ZC3H18: variants seen among roughly 807,000 people sequenced by gnomAD.
The protein encoded by ZC3H18 is zinc finger CCCH-type containing 18.
In ZC3H18, 8 loss-of-function variants were observed where a neutral mutation model predicts 106.1. The ratio of observed to expected loss-of-function variants is 0.08; its 90% CI spans 0.04 to 0.14. The LOEUF is 0.14. ZC3H18 is among the 10% of genes least tolerant of loss of function. ZC3H18 has a pLI of 1.00. For synonymous variants in ZC3H18, 635 were observed against 522.1 expected (o/e 1.22, Z -2.95); for missense variants, 1,318 against 1,278.4 (o/e 1.03, Z -0.47).
chr16:88,578,732 C>T (rs1320020056), intron 2 of ZC3H18, among the ~76,000 whole-genome samples: 3 of 152,100 alleles, frequency 2.0e-5, no homozygotes, highest in Admixed American at 6.6e-5. Context: ...TACCCTGTAA[C>T]CCAGGCTGGA....
intron 3 of ZC3H18, among the ~76,000 whole-genome samples, chr16:88,590,564 C>CTTTT (rs57632461): frequency 4.0e-5 from 4 of 100,672 alleles, no homozygotes; most frequent in South Asian, 3.1e-4. Context: ...TTCTTTATTT[C>CTTTT]TTTTTTTTTT....
intron 3 of ZC3H18, among the ~76,000 whole-genome samples, chr16:88,593,340 G>T (rs1224603327): frequency 6.6e-6 from 1 of 152,250 alleles, no homozygotes; most frequent in African/African-American, 2.4e-5. Context: ...TGACTAGTGG[G>T]CAGTTAGCGT....
At position 88,619,173 on chromosome 16, in the gene ZC3H18, A is replaced by G. The variant is rs1481658182; in HGVS notation, c.1476-3024A>G. Among the ~76,000 whole-genome samples, 4 of 152,054 alleles carry G rather than the reference A, an allele frequency of 2.6e-5. 1 individual carries two copies. The highest frequency in any genetic ancestry group is 1.3e-4 in the Admixed American group (2 of 15,256). On this transcript the variant is annotated intron_variant, in intron 8 of 17. Transcript: ENST00000301011. The stretch of plus-strand genomic sequence containing the variant: ...CAAAGTGCAGTGGAGATAATGTCCA[A>G]TGGGAGGCTGAGGCAGGAGAATGGC...
At chr16:88,623,444 T>C (rs2277904) in intron 10 of ZC3H18, 100 bp downstream of exon 10, 87,626 of 1,486,420 alleles carry the variant, frequency 0.059, 2,949 homozygotes, top group East Asian at 0.081. Context: ...CCTTGGGGTA[T>C]TGAAGGTCCC....
intron 6 of ZC3H18, among the ~76,000 whole-genome samples, chr16:88,608,111 T>A (rs1204597044): frequency 6.6e-6 from 1 of 152,120 alleles, no homozygotes; most frequent in African/African-American, 2.4e-5. Flanking sequence ...GTCTCTGGGT[T>A]TTTCATGTAT....
chr16:88,628,433 C>A (rs189163668), intron 15 of ZC3H18, among the ~76,000 whole-genome samples: 254 of 152,300 alleles, frequency 1.7e-3, no homozygotes, highest in Middle Eastern at 6.8e-3. Flanking sequence ...GTCCTCTGTC[C>A]TCAGCAGGAC....
chr16:88,588,396 C>A (rs1915559037), intron 3 of ZC3H18, among the ~76,000 whole-genome samples: 1 of 152,212 alleles, frequency 6.6e-6, no homozygotes, highest in Admixed American at 6.5e-5. Flanking sequence ...CAGCATCCAC[C>A]AGGGCAGGGA....
At chr16:88,630,756 A>ACCCCCC (rs1281479340) in intron 17 of ZC3H18, among the ~76,000 whole-genome samples, 175 bp downstream of exon 17, 1 of 50,196 alleles carries the variant, frequency 2.0e-5, no homozygotes, top group African/African-American at 6.6e-5. Flanking sequence ...CCCACCCCCC[A>ACCCCCC]CCCCCCCCCA....
At chr16:88,570,873 C>T (rs906248589) in intron 1 of ZC3H18, among the ~76,000 whole-genome samples, 1 of 152,252 alleles carries the variant, frequency 6.6e-6, no homozygotes, top group African/African-American at 2.4e-5. Context: ...ATTTCTCTTC[C>T]GGGCCACTCG....
intron 6 of ZC3H18, among the ~76,000 whole-genome samples, chr16:88,607,773 C>T (rs2017406086): frequency 6.6e-6 from 1 of 150,498 alleles, no homozygotes; most frequent in South Asian, 2.1e-4. Flanking sequence ...CACTTCATGT[C>T]TCTCAGGCAT....
In ZC3H18 at chr16:88,619,555, GTA is replaced by G. The variant is rs1361278417; in HGVS notation, c.1476-2640_1476-2639del. On this transcript the variant is annotated intron_variant, in intron 8 of 17. Transcript: ENST00000301011. The stretch of plus-strand genomic sequence containing the variant: ...CTGGCCATCTTCATTTTGAAATTCG[GTA>G]TCATTGTCTCCAGAGGGAATGAGCA... Among the ~76,000 whole-genome samples the G allele has an allele frequency of 2.6e-5, 4 of 152,198 alleles. No individual in the cohort carries two copies. The East Asian group carries it at 5.8e-4, about 22-fold the overall frequency.
At chr16:88,631,032 G>A (rs1342643434) in intron 17 of ZC3H18, 69 bp from the exon 18 acceptor site, 5 of 1,592,716 alleles carry the variant, frequency 3.1e-6, no homozygotes, top group East Asian at 4.5e-5. Context: ...GCGCCCCTAC[G>A]GGGAGGTCAC....
chr16:88,607,259 T>A (rs939422959), intron 6 of ZC3H18, among the ~76,000 whole-genome samples: 1 of 152,226 alleles, frequency 6.6e-6, no homozygotes, highest in African/African-American at 2.4e-5. Context: ...TGTGCTGCGA[T>A]GGCACTGGCT....
chr16:88,598,130 C>G, intron 3 of ZC3H18, 48 bp from the exon 4 acceptor site: 1 of 1,002,508 alleles, frequency 1.0e-6, no homozygotes, highest in East Asian at 7.2e-5. Flanking sequence ...TGCCCTTGTG[C>G]AATTAGGCTC....
rs1014933553 is a variant in ZC3H18, at chr16:88,631,325, A to G, written c.*26A>G. ...GCCGTGCCCCGACCGGACTGGACGC[A>G]TTTTTATACATAGGGTAAGCGCAGC... On this transcript the variant is annotated 3_prime_UTR_variant, in exon 18 of 18. Coordinates refer to ENST00000301011, the MANE Select transcript of ZC3H18 (RefSeq NM_144604.4). The G allele has an allele frequency of 1.9e-6, 3 of 1,554,746 alleles. No homozygotes were observed. The highest frequency in any genetic ancestry group is 1.4e-5 in the African/African-American group (1 of 73,108).
chr16:88,624,309 C>A, intron 11 of ZC3H18: 1 of 658,348 alleles, frequency 1.5e-6, no homozygotes, highest in Non-Finnish European at 2.6e-6. Context: ...GACACGGCAG[C>A]AGCCGGGTGT....
intron 16 of ZC3H18, among the ~76,000 whole-genome samples, chr16:88,629,206 A>G (rs1022281230): frequency 6.6e-6 from 1 of 151,902 alleles, no homozygotes; most frequent in African/African-American, 2.4e-5. Flanking sequence ...CGGGCGCGGT[A>G]GCTCATGCCT....
At chr16:88,597,725 A>G (rs1904514588) in intron 3 of ZC3H18, among the ~76,000 whole-genome samples, 1 of 152,236 alleles carries the variant, frequency 6.6e-6, no homozygotes, top group African/African-American at 2.4e-5. Context: ...GAGGTGGCCA[A>G]GGGGACCCTG....
In ZC3H18 at chr16:88,627,612, G is replaced by A. The variant is rs781744530; in HGVS notation, c.2109-10G>A. The A allele has an allele frequency of 1.9e-6, 3 of 1,594,106 alleles. No homozygotes were observed. In the East Asian group the frequency reaches 6.8e-5, roughly 36 times the overall value. ...GGCTGGGGTGTGGTGAGATGTGCTT[G>A]TGTGTCCAGGTCCCTGAGCGTGAGC... On this transcript the variant is annotated splice_polypyrimidine_tract_variant and intron_variant, in intron 13 of 17. Transcript: ENST00000301011. This position sits in a 1 kb window ranked among gnomAD's most constrained non-coding sequence, Gnocchi z 4.5.
Sources: allele counts gnomAD v4.1 joint callset (sites outside exome capture counted in the v4.1 genomes callset), GRCh38; gene constraint gnomAD v4.1.1; non-coding constraint Gnocchi (gnomAD v3.1); transcripts MANE v1.5; gene names NCBI Gene and HGNC (gene_info 2026-07-23, HGNC 2026-07-21).